Variants in DHX38 observed in about 807,000 individuals in gnomAD.
DHX38 encodes pre-mRNA-splicing factor ATP-dependent RNA helicase PRP16.
A neutral mutation model predicts 153.1 loss-of-function variants in DHX38; 100 were observed. The observed-to-expected ratio is 0.65, with a 90% CI of 0.56 to 0.77. The LOEUF (loss-of-function observed/expected upper bound fraction) is 0.77, where lower values mean the gene tolerates loss of function less well. Ranked by LOEUF, DHX38 falls within the 30% of genes least tolerant of loss-of-function variation. The probability of loss-of-function intolerance (pLI) is 0.00; values close to 1 mark genes in which losing one functional copy is unlikely to be tolerated. For missense variants in DHX38, 1,440 were observed against 1,654.0 expected (o/e 0.87, Z 2.24); for synonymous variants, 650 against 631.7 (o/e 1.03, Z -0.43).
At chr16:72,102,658 C>T (rs762099759) in intron 11 of DHX38, among the ~76,000 whole-genome samples, 3 of 152,240 alleles carry the variant, frequency 2.0e-5, no homozygotes, top group Non-Finnish European at 4.4e-5. Flanking sequence ...CCGTGCTCTG[C>T]ACCCTTACCT....
chr16:72,099,140 ATC>A (rs1166547049), intron 6 of DHX38, 62 bp from the exon 7 acceptor site: 10 of 1,595,950 alleles, frequency 6.3e-6, no homozygotes, highest in Admixed American at 3.4e-5. Flanking sequence ...GGCCCTGCAG[ATC>A]TGTCTGGGGC....
Position 72,112,592 on chromosome 16 carries a change from G to A in DHX38, c.*95G>A. Reference sequence around the variant, plus strand: ...CTGCGGACAAAGCCCTTTCATCTGAGGACTTTCATCTGTGCATATCACGGC... The same window carrying A: ...CTGCGGACAAAGCCCTTTCATCTGAAGACTTTCATCTGTGCATATCACGGC... On this transcript the variant is annotated 3_prime_UTR_variant, in exon 27 of 27. Coordinates refer to ENST00000268482, the MANE Select transcript of DHX38 (RefSeq NM_014003.4). The A allele has an allele frequency of 7.3e-7, 1 of 1,365,268 alleles. No homozygotes were observed. The allele number at this position is 1,365,268 out of a possible 1,614,324, so 84.6% of individuals were successfully genotyped here. A position where few individuals can be genotyped will look rare whatever the true frequency, so the allele number is the denominator to read the frequency against.
At chr16:72,100,938 A>C (rs1402920766) in intron 9 of DHX38, 148 bp from the exon 10 acceptor site, 1 of 810,816 alleles carries the variant, frequency 1.2e-6, no homozygotes, top group South Asian at 1.7e-5. Flanking sequence ...CACACAAAAA[A>C]GGCCTGATGT....
chr16:72,102,072 TG>T (rs2042109320), intron 11 of DHX38, among the ~76,000 whole-genome samples: 1 of 152,226 alleles, frequency 6.6e-6, no homozygotes, highest in Non-Finnish European at 1.5e-5. Context: ...TATTGGCCAG[TG>T]ACTTCTCTGC....
Position 72,098,796 on chromosome 16 carries a change from A to T in DHX38, c.764+4A>T. 6.2e-7 allele frequency: 1 copy of T among 1,614,020 alleles called. No individual in the cohort carries two copies. The highest frequency in any genetic ancestry group is 1.7e-5 in the Admixed American group (1 of 60,016). ...TGTCCACTCGAGATCGAGACAGGTG[A>T]TGTTCTGGGCAGAGCAGCCCAGTTT... On this transcript the variant is annotated splice_donor_region_variant and intron_variant, in intron 5 of 26. Coordinates refer to ENST00000268482, the MANE Select transcript of DHX38 (RefSeq NM_014003.4).
chr16:72,108,338 A>C lies in DHX38; in HGVS notation c.3076A>C (p.Ile1026Leu). The C allele has an allele frequency of 1.2e-6, 2 of 1,614,216 alleles. No homozygotes were observed. The highest frequency in any genetic ancestry group is 1.7e-6 in the Non-Finnish European group (2 of 1,180,048). ...GTGGAAGAACAATAATTACTCCACCATCTGGTGTAACGATCATTTCATCCA... is the reference window on the plus strand; with the variant it reads ...GTGGAAGAACAATAATTACTCCACCCTCTGGTGTAACGATCATTTCATCCA... ...LQWKNNNYST[I>L]WCNDHFIHAK... Residue 1026 changes from isoleucine to leucine, a missense_variant, in exon 22 of 27, where the codon ATC (isoleucine) becomes CTC (leucine). By Grantham distance (5) the Ile-to-Leu change is conservative. This residue lies in a region of DHX38 where 543 missense variants were observed against 717.9 expected (regional missense o/e 0.76). Coordinates refer to ENST00000268482, the MANE Select transcript of DHX38 (RefSeq NM_014003.4).
intron 26 of DHX38, among the ~76,000 whole-genome samples, chr16:72,111,964 CAAG>C (rs747497372): frequency 1.3e-5 from 2 of 152,178 alleles, no homozygotes; most frequent in Non-Finnish European, 2.9e-5. Flanking sequence ...TAGATAAACT[CAAG>C]GGGTTCACCA....
chr16:72,112,616 G>GCC lies in DHX38; in HGVS notation c.*124_*125dup. 9 of 1,071,676 alleles carry GCC rather than the reference G, an allele frequency of 8.4e-6. No homozygotes were observed. Among genetic ancestry groups the GCC allele is most frequent in the Non-Finnish European group, 5.6e-6 (4 of 719,006 alleles). The allele number at this position is 1,071,676 out of a possible 1,614,324, so 66.4% of individuals were successfully genotyped here. On this transcript the variant is annotated 3_prime_UTR_variant, in exon 27 of 27. Transcript: ENST00000268482. ...AGGACTTTCATCTGTGCATATCACG[G>GCC]CCCCCCAGGGCAGTTCCTGCTGGAC...
rs771777956 is a variant in DHX38 at position 72,096,298 on chromosome 16, A to G, written c.141A>G (p.Ser47=). 18 of 1,614,062 alleles carry G rather than the reference A, an allele frequency of 1.1e-5. No individual in the cohort carries two copies. The highest frequency in any genetic ancestry group is 1.7e-5 in the Admixed American group (1 of 60,004). The change falls in exon 2 of 27, where the codon TCA becomes TCG. Residue 47 remains serine (S), a synonymous_variant. Coordinates refer to ENST00000268482, the MANE Select transcript of DHX38 (RefSeq NM_014003.4). ...TCAAGGCTCCTGCTCCCCGCCCTTC[A>G]TTACTCGGACTGGACTTGCTGGCTT... ...HVFKAPAPRP[S]LLGLDLLASL... is the part of the protein sequence containing the mutation.
intron 26 of DHX38, 47 bp downstream of exon 26, chr16:72,111,124 G>A: frequency 6.6e-7 from 1 of 1,508,618 alleles, no homozygotes. Context: ...CCCATCCCAG[G>A]AGGCTGCCAG....
Position 72,097,027 on chromosome 16 carries a change from G to A in DHX38, c.511+18G>A. 3.8e-6 allele frequency: 6 copies of A among 1,592,572 alleles called. No homozygotes were observed. Among genetic ancestry groups the A allele is most frequent in the Middle Eastern group, 1.7e-4 (1 of 5,958 alleles). ...GGACAGAGGTAAACTGTCCAGCACA[G>A]TTCCTATTGTCCATTAGCATTCGAA... On this transcript the variant is annotated intron_variant, in intron 3 of 26. Coordinates refer to ENST00000268482, the MANE Select transcript of DHX38 (RefSeq NM_014003.4).
chr16:72,103,766 T>C lies in DHX38; in HGVS notation c.1802T>C (p.Met601Thr). Reference protein sequence around the residue: ...MSVAKRVSEEMGGNLGEEVGY... With the variant: ...MSVAKRVSEETGGNLGEEVGY... ...GTGGCCAAGAGAGTCAGTGAAGAGA[T>C]GGGGGGAAACCTTGGCGAGGAGGTG... is the stretch of plus-strand genomic sequence containing the variant. Residue 601 changes from methionine to threonine, a missense_variant, in exon 13 of 27, where the codon ATG (methionine) becomes ACG (threonine). Around this residue, in one of 6 missense-constraint regions of DHX38, gnomAD observed 241 missense variants for 229.5 expected, o/e 1.05. Coordinates refer to ENST00000268482, the MANE Select transcript of DHX38 (RefSeq NM_014003.4). 6.2e-7 allele frequency: 1 copy of C among 1,612,378 alleles called. No individual in the cohort carries two copies. The highest frequency in any genetic ancestry group is 8.5e-7 in the Non-Finnish European group (1 of 1,178,604).
Position 72,110,937 on chromosome 16 carries a change from G to A in DHX38, c.3478-19G>A. The A allele has an allele frequency of 6.3e-7, 1 of 1,575,656 alleles. No homozygotes were observed. The highest frequency in any genetic ancestry group is 8.6e-7 in the Non-Finnish European group (1 of 1,159,914). On this transcript the variant is annotated intron_variant, in intron 25 of 26. Transcript: ENST00000268482. ...AGTGGTCCCCAGTAGGCTCAGCCAG[G>A]TCTGTCCCTCTTCAATAGGAGAACC...
chr16:72,097,967 G>A (rs1251579516), intron 4 of DHX38, among the ~76,000 whole-genome samples, 186 bp downstream of exon 4: 1 of 152,202 alleles, frequency 6.6e-6, no homozygotes, highest in Non-Finnish European at 1.5e-5. Context: ...TATGGTTCCT[G>A]TAAGGTGAGA....
intron 12 of DHX38, 70 bp from the exon 13 acceptor site, chr16:72,103,532 A>G (rs1005088056): frequency 6.6e-7 from 1 of 1,524,588 alleles, no homozygotes; most frequent in Non-Finnish European, 9.0e-7. Context: ...GAGGTAGCGG[A>G]GTCTTCTTGG....
Position 72,104,694 on chromosome 16 carries a change from G to T in DHX38, c.2151+68G>T. The stretch of plus-strand genomic sequence containing the variant: ...GCACTTCTCTGATGCGAAGCCGGCT[G>T]GAGGGTGGAGGGTGGGTAGGGGACT... On this transcript the variant is annotated intron_variant, in intron 15 of 26. Coordinates refer to ENST00000268482, the MANE Select transcript of DHX38 (RefSeq NM_014003.4). The surrounding 1 kb of genome is among the most constrained non-coding windows in gnomAD (Gnocchi z 4.5). 6.3e-7 allele frequency: 1 copy of T among 1,596,280 alleles called. No homozygotes were observed. The highest frequency in any genetic ancestry group is 8.5e-7 in the Non-Finnish European group (1 of 1,169,938).
At chr16:72,099,652 C>T (rs1473721359) in intron 7 of DHX38, 80 bp from the exon 8 acceptor site, 33 of 1,558,332 alleles carry the variant, frequency 2.1e-5, no homozygotes, top group Middle Eastern at 2.0e-4. Context: ...TCCTACCAAG[C>T]GTCCCTTCTT....
chr16:72,101,275 C>A, intron 10 of DHX38, 82 bp downstream of exon 10: 1 of 1,485,798 alleles, frequency 6.7e-7, no homozygotes, highest in Non-Finnish European at 9.3e-7. Context: ...ACTAGGCCCA[C>A]AGATAGAAGT....
Position 72,098,955 on chromosome 16 carries a change from A to G in DHX38, c.793A>G (p.Thr265Ala). Residue 265 changes from threonine (T) to alanine (A), a missense_variant, in exon 6 of 27, where the codon ACG becomes GCG. Around this residue, in one of 6 missense-constraint regions of DHX38, gnomAD observed 483 missense variants for 465.1 expected, o/e 1.04. Coordinates refer to ENST00000268482, the MANE Select transcript of DHX38 (RefSeq NM_014003.4). ...TGTGAGGGGCAAGTACTCGGATGAC[A>G]CGCCTCTGCCAACTCCCTCCTACAA... ...RSVRGKYSDD[T>A]PLPTPSYKYN... 6.2e-7 allele frequency: 1 copy of G among 1,614,140 alleles called. No individual in the cohort carries two copies. The highest frequency in any genetic ancestry group is 1.3e-5 in the African/African-American group (1 of 75,058).
Sources: gnomAD v4.1 joint callset for allele counts (sites outside exome capture counted in the v4.1 genomes callset) on GRCh38, gnomAD v4.1.1 for gene constraint, gnomAD v4.1.1 regional missense constraint, Gnocchi (gnomAD v3.1) non-coding constraint, MANE v1.5 for transcripts, NCBI Gene and HGNC (gene_info 2026-07-23, HGNC 2026-07-21) for gene names.